Variants in PLPP4 observed in about 807,000 individuals in gnomAD.
The protein encoded by PLPP4 is diacylglycerol pyrophosphate like 2.
Under a neutral mutation model 32.2 loss-of-function variants are expected in PLPP4, and 20 were observed. The ratio of observed to expected loss-of-function variants is 0.62; its 90% confidence interval spans 0.44 to 0.90. The LOEUF (loss-of-function observed/expected upper bound fraction) is 0.90, where lower values mean the gene tolerates loss of function less well. PLPP4 is among the 40% of genes least tolerant of loss of function. The pLI is 0.00. For synonymous variants in PLPP4, 127 were observed against 133.0 expected (o/e 0.95, Z 0.31); for missense variants, 257 against 353.1 (o/e 0.73, Z 2.18).
intron 5 of PLPP4, among the ~76,000 whole-genome samples, chr10:120,552,674 TTTTG>T (rs1415270846): frequency 1.3e-5 from 2 of 152,236 alleles, no homozygotes; most frequent in Admixed American, 1.3e-4. Context: ...CTGCTGCTTT[TTTTG>T]TTTGTTTTTT....
intron 6 of PLPP4, among the ~76,000 whole-genome samples, chr10:120,577,040 A>G (rs1372866638): frequency 1.3e-5 from 2 of 152,212 alleles, no homozygotes; most frequent in African/African-American, 2.4e-5. Flanking sequence ...AGAGCTTTTC[A>G]TAGATTGAAT....
rs1849978504 is a variant in PLPP4, at chr10:120,591,093, G to A, written c.*1591G>A. On this transcript the variant is annotated 3_prime_UTR_variant, in exon 7 of 7. Transcript: ENST00000398250. ...CAAGAGTGTTGCTTTTGGGCAGTTAGCATAACAGACTGCATTTTGAGAGAC... is the reference window on the plus strand; with the variant it reads ...CAAGAGTGTTGCTTTTGGGCAGTTAACATAACAGACTGCATTTTGAGAGAC... 6.6e-6 allele frequency among the ~76,000 whole-genome samples: 1 copy of A among 152,124 alleles called. No homozygotes were observed. Among genetic ancestry groups the A allele is most frequent in the East Asian group, 1.9e-4 (1 of 5,176 alleles).
chr10:120,588,383 C>G (rs1415535125), intron 6 of PLPP4, among the ~76,000 whole-genome samples: 1 of 152,230 alleles, frequency 6.6e-6, no homozygotes, highest in Admixed American at 6.5e-5. Flanking sequence ...CCCCTCTTGC[C>G]TCCCAGCTGG....
intron 5 of PLPP4, among the ~76,000 whole-genome samples, chr10:120,535,229 T>C (rs1437218465): frequency 6.6e-6 from 1 of 152,214 alleles, no homozygotes; most frequent in African/African-American, 2.4e-5. Context: ...TGATTTCCTT[T>C]ATCTGTGGGC....
intron 5 of PLPP4, among the ~76,000 whole-genome samples, chr10:120,542,607 A>G (rs879660024): frequency 6.6e-6 from 1 of 152,182 alleles, no homozygotes; most frequent in Admixed American, 6.5e-5. Context: ...AAAAGGTGCT[A>G]TTAGAAGACT....
At chr10:120,550,567 AG>A (rs1847846312) in intron 5 of PLPP4, among the ~76,000 whole-genome samples, 1 of 151,954 alleles carries the variant, frequency 6.6e-6, no homozygotes, top group African/African-American at 2.4e-5. Context: ...AATGTGGTTA[AG>A]GACAGATAAA....
At chr10:120,527,217 G>A (rs1846439301) in intron 5 of PLPP4, among the ~76,000 whole-genome samples, 1 of 152,164 alleles carries the variant, frequency 6.6e-6, no homozygotes, top group Non-Finnish European at 1.5e-5. Flanking sequence ...TGGCTGGCAA[G>A]TCTGAAATCT....
chr10:120,509,167 G>T (rs774409514), intron 2 of PLPP4, among the ~76,000 whole-genome samples: 1 of 152,218 alleles, frequency 6.6e-6, no homozygotes, highest in Non-Finnish European at 1.5e-5. Context: ...TTCACTTAGT[G>T]TGTGGCACCT....
At chr10:120,496,912 A>C (rs2901243) in intron 1 of PLPP4, among the ~76,000 whole-genome samples, 1 of 149,422 alleles carries the variant, frequency 6.7e-6, no homozygotes, top group Non-Finnish European at 1.5e-5. Flanking sequence ...AGAATGTGTG[A>C]GTGTGTGTGT....
At position 120,589,515 on chromosome 10, in the gene PLPP4, G is replaced by T; in HGVS notation, c.*13G>T. On this transcript the variant is annotated 3_prime_UTR_variant, in exon 7 of 7. Coordinates refer to ENST00000398250, the MANE Select transcript of PLPP4 (RefSeq NM_001030059.3). ...AGGCCCGGTATGACCAGTGTCCTGG[G>T]AGGATGGACACTAAGCCCTGGGCAC... 6.2e-7 allele frequency: 1 copy of T among 1,607,976 alleles called. No individual in the cohort carries two copies.
chr10:120,514,035 G>C (rs1167637930), intron 3 of PLPP4, 34 bp downstream of exon 3: 5 of 1,450,376 alleles, frequency 3.4e-6, no homozygotes, highest in East Asian at 4.5e-5. Context: ...TTAGGGAATG[G>C]GGCTGACCTT....
chr10:120,467,246 T>G (rs1171420586), intron 1 of PLPP4, among the ~76,000 whole-genome samples: 1 of 63,052 alleles, frequency 1.6e-5, no homozygotes, highest in African/African-American at 3.4e-5. Context: ...GCCTGGCTAA[T>G]TTTTTTGTAA....
intron 2 of PLPP4, among the ~76,000 whole-genome samples, chr10:120,506,147 T>C (rs1258956218): frequency 1.3e-5 from 2 of 152,248 alleles, no homozygotes; most frequent in Non-Finnish European, 2.9e-5. Context: ...AACAGAAGGA[T>C]ATTCAGCTAC....
intron 1 of PLPP4, among the ~76,000 whole-genome samples, chr10:120,482,748 CA>C (rs554260096): frequency 4.3e-4 from 61 of 140,902 alleles, no homozygotes; most frequent in East Asian, 6.2e-4. Context: ...ACTGAAAATA[CA>C]AAAAAAAAAA....
intron 5 of PLPP4, among the ~76,000 whole-genome samples, chr10:120,563,112 A>G (rs1048613126): frequency 5.3e-5 from 8 of 152,128 alleles, no homozygotes; most frequent in Non-Finnish European, 1.0e-4. Flanking sequence ...GTTGGCAGAT[A>G]CCTATAATCC....
At chr10:120,477,852 G>A (rs1051757327) in intron 1 of PLPP4, among the ~76,000 whole-genome samples, 10 of 152,292 alleles carry the variant, frequency 6.6e-5, no homozygotes, top group Middle Eastern at 3.4e-3. Flanking sequence ...CTGGAGGAAC[G>A]GGCTGTCCCC....
At position 120,565,315 on chromosome 10, in the gene PLPP4, GGTGTGTGTGTGTGTGTGTGT is replaced by G. The variant is rs58655566; in HGVS notation, c.446-9788_446-9769del. Among the ~76,000 whole-genome samples, 10 of 142,604 alleles carry G rather than the reference GGTGTGTGTGTGTGTGTGTGT, an allele frequency of 7.0e-5. No individual in the cohort carries two copies. The East Asian group carries it at 8.2e-4, about 12-fold the overall frequency. The allele number at this position is 142,604 out of a possible 152,430, so 93.6% of individuals were successfully genotyped here. ...TACATTTCCTTTGATTTGTTTGTGT[GGTGTGTGTGTGTGTGTGTGT>G]GTGTGTGTGTGTGTGTGTGTGTGTG... On this transcript the variant is annotated intron_variant, in intron 5 of 6. Transcript: ENST00000398250.
chr10:120,480,910 C>G (rs568852583), intron 1 of PLPP4, among the ~76,000 whole-genome samples: 57 of 152,368 alleles, frequency 3.7e-4, no homozygotes, highest in African/African-American at 1.3e-3. Flanking sequence ...CAAGGCACAG[C>G]AAGTTAGGCT....
intron 5 of PLPP4, among the ~76,000 whole-genome samples, chr10:120,554,870 T>A (rs558473315): frequency 6.6e-6 from 1 of 152,094 alleles, no homozygotes; most frequent in South Asian, 2.1e-4. Context: ...ACCAGGCCCC[T>A]CCTCCAACAT....
Sources: allele counts gnomAD v4.1 joint callset (sites outside exome capture counted in the v4.1 genomes callset), GRCh38; gene constraint gnomAD v4.1.1; transcripts MANE v1.5; gene names NCBI Gene and HGNC (gene_info 2026-07-23, HGNC 2026-07-21).